CFAP299: variants seen among roughly 807,000 people sequenced by gnomAD.
CFAP299 encodes cilia and flagella associated protein 299, also known as cilia- and flagella-associated protein 299.
In CFAP299, 21 loss-of-function variants were observed where a neutral mutation model predicts 27.0. The observed-to-expected ratio is 0.78, with a 90% CI of 0.55 to 1.12. The LOEUF (loss-of-function observed/expected upper bound fraction) is 1.12, where lower values mean the gene tolerates loss of function less well. Ranked by LOEUF, CFAP299 falls within the 50% of genes most tolerant of loss-of-function variation. The pLI, the probability that CFAP299 is intolerant of heterozygous loss-of-function variation, is 0.00. For synonymous variants in CFAP299, 104 were observed against 98.1 expected, an observed-to-expected ratio of 1.06 and a Z score of -0.36; for missense variants, 310 against 276.6, an observed-to-expected ratio of 1.12 and a Z score of -0.86.
At position 80,386,528 on chromosome 4, in the gene CFAP299, C is replaced by T. The variant is rs2110026416; in HGVS notation, c.242+23644C>T. The T allele has an allele frequency of 1.5e-5, 23 of 1,582,104 alleles. 1 individual carries two copies. Among genetic ancestry groups the T allele is most frequent in the Admixed American group, 1.7e-5 (1 of 58,500 alleles). On this transcript the variant is annotated intron_variant, in intron 2 of 5. Coordinates refer to ENST00000358105, the MANE Select transcript of CFAP299 (RefSeq NM_152770.3). ...GGGCGGTGGTGGGGGGGGGGGGTGCCGCCGGGTTTGCAGGTCCTTTTCCTT... is the reference window on the plus strand; with the variant it reads ...GGGCGGTGGTGGGGGGGGGGGGTGCTGCCGGGTTTGCAGGTCCTTTTCCTT...
At chr4:80,401,831 A>G (rs1054174368) in intron 2 of CFAP299, among the ~76,000 whole-genome samples, 1 of 152,208 alleles carries the variant, frequency 6.6e-6, no homozygotes, top group African/African-American at 2.4e-5. Flanking sequence ...ATGCCAGCCC[A>G]TGAAAGCAGT....
At chr4:80,586,208 G>T (rs537317770) in intron 3 of CFAP299, among the ~76,000 whole-genome samples, 48 of 151,932 alleles carry the variant, frequency 3.2e-4, no homozygotes, top group African/African-American at 1.1e-3. Context: ...TGAAAATATA[G>T]ATTAAATATT....
intron 3 of CFAP299, among the ~76,000 whole-genome samples, chr4:80,677,194 C>A (rs1684727787): frequency 6.6e-6 from 1 of 151,920 alleles, no homozygotes; most frequent in South Asian, 2.1e-4. Flanking sequence ...TTCTTTATTT[C>A]TTCATTCACC....
chr4:80,870,777 T>C (rs1488572902), intron 4 of CFAP299: 13 of 985,272 alleles, frequency 1.3e-5, no homozygotes, highest in Non-Finnish European at 1.6e-5. Context: ...GCATTATGCT[T>C]TAACTCTCCA....
rs142680586 is a variant in CFAP299 at position 80,380,913 on chromosome 4, C to T, written c.242+18029C>T. Among the ~76,000 whole-genome samples, 261 of 152,044 alleles carry T rather than the reference C, an allele frequency of 1.7e-3. 1 individual carries two copies. Among genetic ancestry groups the T allele is most frequent in the African/African-American group, 5.8e-3 (239 of 41,470 alleles). On this transcript the variant is annotated intron_variant, in intron 2 of 5. Transcript: ENST00000358105. ...TGTTCCCTTTCTTTGGCCTTTATTA[C>T]TTTGTAGCCTATTTGTCTTCTAGAT... is the stretch of plus-strand genomic sequence containing the variant.
rs1737994340 is a variant in CFAP299, at chr4:80,955,029, A to AC, written c.607-8488_607-8487insC. Among the ~76,000 whole-genome samples the AC allele has an allele frequency of 5.6e-5, 6 of 106,566 alleles. 1 individual carries two copies. Among genetic ancestry groups the AC allele is most frequent in the African/African-American group, 2.1e-4 (6 of 28,226 alleles). 69.9% of individuals were successfully genotyped at this position (106,566 alleles called of 152,430 possible). A position where few individuals can be genotyped will look rare whatever the true frequency, so the allele number is the denominator to read the frequency against. ...AAAAAAAAAAAAAAAAAAAAAAAAAAAAAAACGCACACATGGCCATATACA... is the reference window on the plus strand; with the variant it reads ...AAAAAAAAAAAAAAAAAAAAAAAAAACAAAAACGCACACATGGCCATATACA... On this transcript the variant is annotated intron_variant, in intron 5 of 5. Coordinates refer to ENST00000358105, the MANE Select transcript of CFAP299 (RefSeq NM_152770.3).
At position 80,642,694 on chromosome 4, in the gene CFAP299, G is replaced by T. The variant is rs548943975; in HGVS notation, c.333+59511G>T. On this transcript the variant is annotated intron_variant, in intron 3 of 5. Transcript: ENST00000358105. ...CAGGAGAATCACTTGAACCCGGGAG[G>T]CAAAGGTTGCAGTGAACCGAGATCA... Among the ~76,000 whole-genome samples the T allele has an allele frequency of 2.6e-5, 4 of 151,562 alleles. No individual in the cohort carries two copies. In the East Asian group the frequency reaches 7.8e-4, roughly 30 times the overall value.
chr4:80,799,741 T>C lies in CFAP299; in HGVS notation c.334-70252T>C, dbSNP rs754736208. 6.2e-3 allele frequency among the ~76,000 whole-genome samples: 213 copies of C among 34,230 alleles called. 4 individuals carry two copies. The highest frequency in any genetic ancestry group is 0.019 in the African/African-American group (202 of 10,592). 22.5% of individuals were successfully genotyped at this position (34,230 alleles called of 152,430 possible). A position where few individuals can be genotyped will look rare whatever the true frequency, so the allele number is the denominator to read the frequency against. The stretch of plus-strand genomic sequence containing the variant: ...ATTATATTTTATAAATATATATATT[T>C]TTATAAATATATAATATATAAATAT... On this transcript the variant is annotated intron_variant, in intron 3 of 5. Transcript: ENST00000358105.
At chr4:80,751,545 T>TA (rs1226107603) in intron 3 of CFAP299, among the ~76,000 whole-genome samples, 1 of 152,084 alleles carries the variant, frequency 6.6e-6, no homozygotes, top group Non-Finnish European at 1.5e-5. Flanking sequence ...GAAGCCCCTA[T>TA]ATCAAGCAAG....
chr4:80,386,177 G>T, intron 2 of CFAP299: 1 of 723,696 alleles, frequency 1.4e-6, no homozygotes, highest in Non-Finnish European at 2.2e-6. Context: ...CCCCGGGTCC[G>T]TCACTCTGAG....
chr4:80,866,846 A>G (rs564822463), intron 3 of CFAP299, among the ~76,000 whole-genome samples: 17 of 152,310 alleles, frequency 1.1e-4, no homozygotes, highest in African/African-American at 4.1e-4. Context: ...CAAGAAGGCT[A>G]TATATAGTAA....
intron 3 of CFAP299, among the ~76,000 whole-genome samples, chr4:80,731,502 G>A (rs1723520654): frequency 1.3e-5 from 2 of 152,170 alleles, no homozygotes; most frequent in African/African-American, 4.8e-5. Flanking sequence ...GCCATTTCAA[G>A]CTTTAATGGG....
chr4:80,366,218 C>CA (rs1275488301), intron 2 of CFAP299, among the ~76,000 whole-genome samples: 1 of 152,190 alleles, frequency 6.6e-6, no homozygotes, highest in Non-Finnish European at 1.5e-5. Flanking sequence ...AACTTGGAAA[C>CA]ACTTGGTTCC....
chr4:80,732,751 A>T (rs1723613099), intron 3 of CFAP299, among the ~76,000 whole-genome samples: 1 of 152,140 alleles, frequency 6.6e-6, no homozygotes, highest in Admixed American at 6.6e-5. Context: ...TGTTGGGCTC[A>T]TTCCCCTATA....
intron 3 of CFAP299, among the ~76,000 whole-genome samples, chr4:80,612,369 A>C (rs1738029995): frequency 6.6e-6 from 1 of 152,060 alleles, no homozygotes; most frequent in African/African-American, 2.4e-5. Flanking sequence ...ATGCTGATTT[A>C]ATTTCTCTGG....
At chr4:80,661,073 C>A (rs1740818188) in intron 3 of CFAP299, among the ~76,000 whole-genome samples, 2 of 152,094 alleles carry the variant, frequency 1.3e-5, no homozygotes, top group Non-Finnish European at 2.9e-5. Context: ...CACCTGTAAT[C>A]CCAGCACTTT....
intron 3 of CFAP299, among the ~76,000 whole-genome samples, chr4:80,664,241 A>T (rs1436286890): frequency 6.6e-6 from 1 of 152,100 alleles, no homozygotes; most frequent in Non-Finnish European, 1.5e-5. Context: ...CCACTTGAAG[A>T]GGCAGTCTTA....
chr4:80,623,257 C>T (rs566133231), intron 3 of CFAP299, among the ~76,000 whole-genome samples: 2 of 136,428 alleles, frequency 1.5e-5, no homozygotes, highest in East Asian at 4.3e-4. Flanking sequence ...GTAAACTAAT[C>T]GATGTTAAGA....
At chr4:80,419,971 G>A (rs1727215194) in intron 2 of CFAP299, among the ~76,000 whole-genome samples, 1 of 152,042 alleles carries the variant, frequency 6.6e-6, no homozygotes, top group Non-Finnish European at 1.5e-5. Flanking sequence ...CATGCACATA[G>A]GGGAGAAGCA....
Sources: gnomAD v4.1 joint callset for allele counts (sites outside exome capture counted in the v4.1 genomes callset) on GRCh38, gnomAD v4.1.1 for gene constraint, MANE v1.5 for transcripts, NCBI Gene and HGNC (gene_info 2026-07-23, HGNC 2026-07-21) for gene names.